The following ZNF619 variants were observed in gnomAD, a reference collection of about 807,000 sequenced individuals.
The protein encoded by ZNF619 is zinc finger protein 619.
ZNF619 carries 9 observed loss-of-function variants against 14.2 expected under a neutral mutation model. That is an observed-to-expected ratio of 0.64 (90% confidence interval 0.38 to 1.11). The LOEUF (loss-of-function observed/expected upper bound fraction) is 1.11. Ranked by LOEUF, ZNF619 falls within the 50% of genes least tolerant of loss-of-function variation. The pLI, the probability that ZNF619 is intolerant of heterozygous loss-of-function variation, is 0.01. For synonymous variants in ZNF619, 246 were observed against 252.8 expected, an observed-to-expected ratio of 0.97 and a Z score of 0.26; for missense variants, 659 against 680.1, an observed-to-expected ratio of 0.97 and a Z score of 0.34.
At chr3:40,478,604 C>T (rs921546202) in intron 2 of ZNF619, among the ~76,000 whole-genome samples, 16 of 151,868 alleles carry the variant, frequency 1.1e-4, no homozygotes, top group African/African-American at 3.9e-4. Flanking sequence ...GCGAAGACGT[C>T]AGTCTAACCT....
chr3:40,483,246 C>T (rs918520171), intron 4 of ZNF619, among the ~76,000 whole-genome samples: 4 of 151,340 alleles, frequency 2.6e-5, no homozygotes, highest in Non-Finnish European at 5.9e-5. Flanking sequence ...TCTGTTGGTT[C>T]GTCAGCTCAG....
Position 40,487,766 on chromosome 3 carries a change from A to C in ZNF619, c.1256A>C (p.Gln419Pro). ...FSCSSRFIVH[Q>P]RIHNGEKPYE... is the part of the protein sequence containing the mutation. ...TGTAGCTCCCGCTTCATAGTGCATC[A>C]GAGAATCCACAATGGGGAGAAACCC... The change falls in exon 5 of 5, where the codon CAG (glutamine) becomes CCG (proline). Residue 419 changes from glutamine (Q) to proline (P), a missense_variant. By Grantham distance (76) the Gln-to-Pro change is moderately conservative. Coordinates refer to ENST00000432264, the MANE Select transcript of ZNF619 (RefSeq NM_001145093.4). 1.2e-6 allele frequency: 2 copies of C among 1,614,242 alleles called. No individual in the cohort carries two copies. The highest frequency in any genetic ancestry group is 1.3e-5 in the African/African-American group (1 of 75,050).
Position 40,488,637 on chromosome 3 carries a change from A to C in ZNF619, c.*396A>C. 6.3e-6 allele frequency: 1 copy of C among 158,020 alleles called. No homozygotes were observed. The highest frequency in any genetic ancestry group is 1.9e-4 in the East Asian group (1 of 5,236). 9.8% of individuals were successfully genotyped at this position (158,020 alleles called of 1,614,324 possible). A position where few individuals can be genotyped will look rare whatever the true frequency, so the allele number is the denominator to read the frequency against. On this transcript the variant is annotated 3_prime_UTR_variant, in exon 5 of 5. Transcript: ENST00000432264. ...ACATAATCAGATAAAGTGTCCAATG[A>C]TTGCTTTCAAGAGCTTTTTTTTTTT...
chr3:40,484,713 T>G (rs1262479975), intron 4 of ZNF619, among the ~76,000 whole-genome samples: 5 of 152,182 alleles, frequency 3.3e-5, no homozygotes. Flanking sequence ...AGTTTTTAAT[T>G]TTATTCCATT....
In ZNF619 at chr3:40,481,915, C is replaced by T; in HGVS notation, c.77C>T (p.Ala26Val). Residue 26 changes from alanine (A) to valine (V), a missense_variant, in exon 3 of 5, where the codon GCT becomes GTT. Coordinates refer to ENST00000432264, the MANE Select transcript of ZNF619 (RefSeq NM_001145093.4). ...FQEPVTFEDV[A>V]VYFTQNEWAS... ...GAGCCAGTAACCTTTGAGGATGTGG[C>T]TGTGTACTTCACCCAGAATGAATGG... 3 of 1,613,782 alleles carry T rather than the reference C, an allele frequency of 1.9e-6. No homozygotes were observed. In the South Asian group the frequency reaches 3.3e-5, roughly 18 times the overall value.
intron 4 of ZNF619, among the ~76,000 whole-genome samples, chr3:40,485,972 C>G (rs1389052168): frequency 6.6e-6 from 1 of 152,192 alleles, no homozygotes; most frequent in Non-Finnish European, 1.5e-5. Flanking sequence ...AGCAGTGTTA[C>G]AAACTGCTTT....
intron 4 of ZNF619, among the ~76,000 whole-genome samples, chr3:40,485,900 G>A (rs1245503150): frequency 6.6e-6 from 1 of 152,140 alleles, no homozygotes; most frequent in Non-Finnish European, 1.5e-5. Flanking sequence ...TCAAAGGTCA[G>A]TCTCCCAAAG....
intron 2 of ZNF619, among the ~76,000 whole-genome samples, chr3:40,478,226 G>A (rs77372220): frequency 0.027 from 4,186 of 152,270 alleles, 176 homozygotes; most frequent in African/African-American, 0.085. Context: ...GTGGGAATCT[G>A]CATTCATGAG....
Position 40,487,768 on chromosome 3 carries a change from A to G in ZNF619, c.1258A>G (p.Arg420Gly), listed in dbSNP as rs1697662882. 1 of 1,613,932 alleles carries G rather than the reference A, an allele frequency of 6.2e-7. No homozygotes were observed. Among genetic ancestry groups the G allele is most frequent in the Non-Finnish European group, 8.5e-7 (1 of 1,179,980 alleles). The change falls in exon 5 of 5, where the codon AGA becomes GGA. Residue 420 changes from arginine (R) to glycine (G), a missense_variant. Transcript: ENST00000432264. ...SCSSRFIVHQ[R>G]IHNGEKPYEC... ...TAGCTCCCGCTTCATAGTGCATCAG[A>G]GAATCCACAATGGGGAGAAACCCTA...
rs567828012 is a variant in ZNF619, at chr3:40,484,302, C to A, written c.295+1598C>A. Reference sequence around the variant, plus strand: ...TATGTAAATGGAATTTTTCTAAGTTCATAAACACTGAATTTTACATTAGCT... The same window carrying A: ...TATGTAAATGGAATTTTTCTAAGTTAATAAACACTGAATTTTACATTAGCT... On this transcript the variant is annotated intron_variant, in intron 4 of 4. Transcript: ENST00000432264. 2.7e-4 allele frequency among the ~76,000 whole-genome samples: 41 copies of A among 152,226 alleles called. No individual in the cohort carries two copies. In the South Asian group the frequency reaches 7.9e-3, roughly 29 times the overall value.
At chr3:40,485,661 G>A (rs1697557452) in intron 4 of ZNF619, among the ~76,000 whole-genome samples, 1 of 152,038 alleles carries the variant, frequency 6.6e-6, no homozygotes, top group African/African-American at 2.4e-5. Context: ...GTGTGTGTGT[G>A]TGTGTGTGTG....
At position 40,486,716 on chromosome 3, in the gene ZNF619, T is replaced by A. The variant is rs954165774; in HGVS notation, c.296-90T>A. On this transcript the variant is annotated intron_variant, in intron 4 of 4. Coordinates refer to ENST00000432264, the MANE Select transcript of ZNF619 (RefSeq NM_001145093.4). ...AACTCCACTCAAAAAAAAAAAAAAA[T>A]TCATGTGTCTAGGGCAAGCTGTTAC... The A allele has an allele frequency of 5.5e-5, 50 of 916,316 alleles. No individual in the cohort carries two copies. In the African/African-American group the frequency reaches 6.0e-4, roughly 11 times the overall value. 56.8% of individuals were successfully genotyped at this position (916,316 alleles called of 1,614,324 possible).
rs747711223 is a variant in ZNF619, at chr3:40,477,984, T to C, written c.5T>C (p.Leu2Pro). 4.5e-6 allele frequency: 7 copies of C among 1,554,608 alleles called. No individual in the cohort carries two copies. The highest frequency in any genetic ancestry group is 2.6e-6 in the Non-Finnish European group (3 of 1,148,164). The part of the protein sequence containing the change: M[L>P]QTVWFQGLGR... Reference sequence around the variant, plus strand: ...TGAAGCCAGGGGTCATCAGCCATGCTCCAGACAGTGTGGTTCCAGGTGAGC... The same window carrying C: ...TGAAGCCAGGGGTCATCAGCCATGCCCCAGACAGTGTGGTTCCAGGTGAGC... Residue 2 changes from leucine to proline, a missense_variant, in exon 2 of 5, where the codon CTC becomes CCC. Physicochemically the swap from Leu to Pro is moderately conservative, Grantham distance 98. Transcript: ENST00000432264.
At position 40,486,966 on chromosome 3, in the gene ZNF619, G is replaced by A. The variant is rs550408784; in HGVS notation, c.456G>A (p.Gly152=). Residue 152 remains glycine (G), a synonymous_variant, in exon 5 of 5, where the codon GGG becomes GGA. Transcript: ENST00000432264. The part of the protein sequence containing the change: ...RLEKSQLHDT[G]NKTKIGDCTD... ...AGAAGTCACAGCTACATGATACAGG[G>A]AATAAAACAAAGATAGGGGATTGCA... is the stretch of plus-strand genomic sequence containing the variant. The A allele has an allele frequency of 8.1e-6, 13 of 1,614,166 alleles. No individual in the cohort carries two copies. In the East Asian group the frequency reaches 1.8e-4, roughly 22 times the overall value.
intron 4 of ZNF619, among the ~76,000 whole-genome samples, chr3:40,485,606 A>G (rs1290848961): frequency 6.6e-6 from 1 of 152,068 alleles, no homozygotes; most frequent in Non-Finnish European, 1.5e-5. Flanking sequence ...CCCGGCATGA[A>G]TACATCACTC....
intron 2 of ZNF619, among the ~76,000 whole-genome samples, chr3:40,480,580 G>A (rs1042429253): frequency 1.7e-4 from 25 of 148,230 alleles, no homozygotes; most frequent in African/African-American, 5.3e-4. Flanking sequence ...CTCACTCCAA[G>A]CTCTGCCTCC....
Position 40,487,568 on chromosome 3 carries a change from T to A in ZNF619, c.1058T>A (p.Leu353Ter). ...GAATGTAAGGAGTGTGGGAAGAGTT[T>A]GAGTTCTAATTCAGTTCTGATTCAG... ...PYECKECGKS[L>*]SSNSVLIQHQ... The change falls in exon 5 of 5, where the codon TTG becomes TAG. Residue 353 changes from leucine to a stop codon, truncating the protein, a stop_gained. Transcript: ENST00000432264. LOFTEE classifies it low-confidence loss of function (END_TRUNC). The A allele has an allele frequency of 1.2e-6, 2 of 1,614,140 alleles. No homozygotes were observed. The highest frequency in any genetic ancestry group is 1.7e-6 in the Non-Finnish European group (2 of 1,180,020).
At chr3:40,478,643 A>G (rs1050793315) in intron 2 of ZNF619, among the ~76,000 whole-genome samples, 1 of 151,802 alleles carries the variant, frequency 6.6e-6, no homozygotes, top group African/African-American at 2.4e-5. Flanking sequence ...TTTCTTGGCT[A>G]CAAATTCATG....
intron 3 of ZNF619, 123 bp from the exon 4 acceptor site, chr3:40,482,465 C>T (rs1468526829): frequency 6.4e-7 from 1 of 1,560,814 alleles, no homozygotes; most frequent in Non-Finnish European, 8.8e-7. Flanking sequence ...ATTCACTCCT[C>T]CCTGACTTCA....
Sources: allele counts gnomAD v4.1 joint callset (sites outside exome capture counted in the v4.1 genomes callset), GRCh38; gene constraint gnomAD v4.1.1; transcripts MANE v1.5; gene names NCBI Gene and HGNC (gene_info 2026-07-23, HGNC 2026-07-21).